Variants in TTC3 observed in about 807,000 individuals in gnomAD.
The protein encoded by TTC3 is tetratricopeptide repeat domain 3.
A neutral mutation model predicts 249.6 loss-of-function variants in TTC3; 180 were observed. The ratio of observed to expected loss-of-function variants is 0.72; its 90% CI spans 0.64 to 0.82. The LOEUF (loss-of-function observed/expected upper bound fraction) is 0.82. Ranked by LOEUF, TTC3 falls within the 40% of genes least tolerant of loss-of-function variation. TTC3 has a pLI of 0.00. For synonymous variants in TTC3, 717 were observed against 805.0 expected, an observed-to-expected ratio of 0.89 and a Z score of 1.85; for missense variants, 2,061 against 2,398.4, an observed-to-expected ratio of 0.86 and a Z score of 2.94.
intron 25 of TTC3, among the ~76,000 whole-genome samples, chr21:37,151,118 A>G (rs2079426750): frequency 1.3e-5 from 2 of 152,172 alleles, no homozygotes; most frequent in South Asian, 4.1e-4. Flanking sequence ...TGAATTTACA[A>G]TTAAAATTAT....
In TTC3 at chr21:37,172,751, C is replaced by G; in HGVS notation, c.4617+7C>G. ...GCACTTAGAAGAAAACAAGGTAATC[C>G]TGTCTGAAACCTGTCTTTAATTGCA... On this transcript the variant is annotated splice_region_variant and intron_variant, in intron 35 of 45. Coordinates refer to ENST00000355666, the Ensembl canonical transcript of TTC3. The G allele has an allele frequency of 1.2e-6, 2 of 1,613,210 alleles. No individual in the cohort carries two copies. The highest frequency in any genetic ancestry group is 1.3e-5 in the African/African-American group (1 of 74,998).
At chr21:37,075,014 C>T (rs1360834998) in intron 1 of TTC3, among the ~76,000 whole-genome samples, 1 of 152,034 alleles carries the variant, frequency 6.6e-6, no homozygotes, top group Non-Finnish European at 1.5e-5. Context: ...CCTTCCCCTC[C>T]TTTTCTAGAG....
In TTC3 at chr21:37,118,229, T is replaced by A. The variant is rs528415859; in HGVS notation, c.901-3588T>A. The stretch of plus-strand genomic sequence containing the variant: ...TTTATAAGATTGCCTTACTTTAGAA[T>A]TAATTATGAGCCTGAGTCTATGGAG... On this transcript the variant is annotated intron_variant, in intron 11 of 45. Coordinates refer to ENST00000355666, the Ensembl canonical transcript of TTC3. 2.2e-3 allele frequency among the ~76,000 whole-genome samples: 338 copies of A among 152,310 alleles called. 1 individual carries two copies. The highest frequency in any genetic ancestry group is 7.7e-3 in the African/African-American group (320 of 41,564).
chr21:37,124,155 A>G (rs1417026527), intron 13 of TTC3, among the ~76,000 whole-genome samples: 3 of 94,642 alleles, frequency 3.2e-5, no homozygotes, highest in Non-Finnish European at 5.8e-5. Context: ...TCCCTCTGTC[A>G]CCTAGGCTGG....
chr21:37,163,499 C>G (rs753012546), intron 31 of TTC3, among the ~76,000 whole-genome samples: 2 of 152,118 alleles, frequency 1.3e-5, no homozygotes, highest in Non-Finnish European at 2.9e-5. Context: ...TACAGCCATG[C>G]GCCATGACGC....
At chr21:37,199,287 G>GT (rs1472724780) in intron 44 of TTC3, among the ~76,000 whole-genome samples, 1 of 152,228 alleles carries the variant, frequency 6.6e-6, no homozygotes, top group Non-Finnish European at 1.5e-5. Flanking sequence ...TTTGAGCTAG[G>GT]TTTTCTGCCA....
At chr21:37,110,336 G>C (rs1338124741) in intron 11 of TTC3, among the ~76,000 whole-genome samples, 4 of 152,176 alleles carry the variant, frequency 2.6e-5, no homozygotes, top group Non-Finnish European at 5.9e-5. Context: ...TGGATAACTA[G>C]AATAACCAAT....
intron 20 of TTC3, among the ~76,000 whole-genome samples, chr21:37,141,093 T>C (rs762862098): frequency 3.3e-5 from 5 of 152,204 alleles, no homozygotes; most frequent in Admixed American, 1.3e-4. Flanking sequence ...ATGAGTGAGT[T>C]AGGAATATAA....
intron 5 of TTC3, among the ~76,000 whole-genome samples, 177 bp from the exon 6 acceptor site, chr21:37,090,056 A>G (rs540743290): frequency 7.2e-5 from 11 of 152,164 alleles, no homozygotes; most frequent in South Asian, 2.1e-4. Context: ...ATTGGAGACT[A>G]TTTTGGAATT....
At chr21:37,193,807 C>A (rs2084513101) in intron 41 of TTC3, 2 of 152,242 alleles carry the variant, frequency 1.3e-5, no homozygotes, top group South Asian at 4.1e-4. Flanking sequence ...CCCATTGTTA[C>A]CTGCAGCAGA....
intron 18 of TTC3, among the ~76,000 whole-genome samples, chr21:37,138,111 T>C (rs539110932): frequency 5.9e-5 from 9 of 152,362 alleles, no homozygotes; most frequent in African/African-American, 2.2e-4. Context: ...CAATAAAGTC[T>C]TAAATTAAGG....
intron 35 of TTC3, among the ~76,000 whole-genome samples, chr21:37,173,007 T>G (rs2081942826): frequency 6.6e-6 from 1 of 152,212 alleles, no homozygotes; most frequent in African/African-American, 2.4e-5. Context: ...CCTGGTTAAC[T>G]AAAACTCTAT....
intron 36 of TTC3, among the ~76,000 whole-genome samples, 173 bp from the exon 37 acceptor site, chr21:37,185,533 T>C (rs2083161592): frequency 6.6e-6 from 1 of 152,140 alleles, no homozygotes; most frequent in South Asian, 2.1e-4. Flanking sequence ...AAAAGGGAAA[T>C]GACCTCAAAT....
intron 32 of TTC3, 123 bp downstream of exon 32, chr21:37,164,338 G>T: frequency 2.0e-6 from 2 of 988,562 alleles, no homozygotes; most frequent in African/African-American, 1.8e-5. Context: ...AGTTAATTTA[G>T]GATTTTTTTT....
At chr21:37,162,100 T>C in intron 31 of TTC3, 37 bp downstream of exon 31, 1 of 1,269,664 alleles carries the variant, frequency 7.9e-7, no homozygotes, top group Non-Finnish European at 1.1e-6. Flanking sequence ...TCATTTTAAC[T>C]CAAATGTCTT....
At chr21:37,121,334 T>C (rs2076566896) in intron 11 of TTC3, 1 of 153,052 alleles carries the variant, frequency 6.5e-6, no homozygotes, top group South Asian at 2.1e-4. Context: ...CTGTCTGCAC[T>C]CTTCGGAGGT....
chr21:37,149,093 G>A (rs1332328494), intron 23 of TTC3, among the ~76,000 whole-genome samples: 2 of 152,156 alleles, frequency 1.3e-5, no homozygotes, highest in Non-Finnish European at 2.9e-5. Context: ...ATGTTGGGAA[G>A]AAAGATCAAC....
intron 5 of TTC3, 142 bp downstream of exon 5, chr21:37,089,028 C>A: frequency 1.5e-6 from 1 of 656,018 alleles, no homozygotes; most frequent in Non-Finnish European, 2.6e-6. Flanking sequence ...AATCTGCTGT[C>A]CATCAGTGCG....
At chr21:37,076,657 C>T (rs934421616) in intron 1 of TTC3, among the ~76,000 whole-genome samples, 3 of 149,720 alleles carry the variant, frequency 2.0e-5, no homozygotes, top group Non-Finnish European at 4.4e-5. Flanking sequence ...TATGGCATTG[C>T]CCAAAGGGGG....
Sources: gnomAD v4.1 joint callset for allele counts (sites outside exome capture counted in the v4.1 genomes callset) on GRCh38, gnomAD v4.1.1 for gene constraint, MANE v1.5 for transcripts, NCBI Gene and HGNC (gene_info 2026-07-23, HGNC 2026-07-21) for gene names.